ZNF317: variants seen among roughly 807,000 people sequenced by gnomAD.
ZNF317 encodes zinc finger protein 317.
In ZNF317, 17 loss-of-function variants were observed where a neutral mutation model predicts 23.4. The ratio of observed to expected loss-of-function variants is 0.73; its 90% CI spans 0.50 to 1.09. The LOEUF (loss-of-function observed/expected upper bound fraction) is 1.09, where lower values mean the gene tolerates loss of function less well. Ranked by LOEUF, ZNF317 falls within the 50% of genes least tolerant of loss-of-function variation. ZNF317 has a pLI of 0.00. For synonymous variants in ZNF317, 317 were observed against 314.9 expected (o/e 1.01, Z -0.07); for missense variants, 679 against 796.7 (o/e 0.85, Z 1.78).
chr19:9,151,391 G>A (rs1348878149), intron 1 of ZNF317, among the ~76,000 whole-genome samples: 2 of 152,160 alleles, frequency 1.3e-5, no homozygotes, highest in Non-Finnish European at 2.9e-5. Context: ...AATTCCAATA[G>A]CAGAAATACT....
chr19:9,152,841 A>G (rs577402538), intron 1 of ZNF317, among the ~76,000 whole-genome samples: 4 of 152,276 alleles, frequency 2.6e-5, no homozygotes, highest in African/African-American at 9.6e-5. Flanking sequence ...TCTGATGCCA[A>G]ATTGGGTGGG....
In ZNF317 at chr19:9,161,195, T is replaced by C; in HGVS notation, c.1550T>C (p.Leu517Pro). The change falls in exon 7 of 7, where the codon CTG becomes CCG. Residue 517 changes from leucine to proline, a missense_variant. Coordinates refer to ENST00000247956, the MANE Select transcript of ZNF317 (RefSeq NM_020933.5). The surrounding 1 kb of genome is among the most constrained non-coding windows in gnomAD (Gnocchi z 4.0). ...CGKAFRNQSTLKTHMRSHTGE... is the reference protein window; with the variant it reads ...CGKAFRNQSTPKTHMRSHTGE... The stretch of plus-strand genomic sequence containing the variant: ...AAGGCCTTCAGGAACCAGTCAACGC[T>C]GAAGACGCACATGCGAAGCCACACG... 1 of 1,614,176 alleles carries C rather than the reference T, an allele frequency of 6.2e-7. No homozygotes were observed. Among genetic ancestry groups the C allele is most frequent in the Non-Finnish European group, 8.5e-7 (1 of 1,180,038 alleles).
rs370035362 is a variant in ZNF317 at position 9,160,404 on chromosome 19, C to T, written c.759C>T (p.Ser253=). 327 of 1,614,066 alleles carry T rather than the reference C, an allele frequency of 2.0e-4. 4 individuals are homozygous for T. In the South Asian group the frequency reaches 2.2e-3, roughly 11 times the overall value. Residue 253 remains serine, a synonymous_variant, in exon 7 of 7, where the codon AGC becomes AGT. Coordinates refer to ENST00000247956, the MANE Select transcript of ZNF317 (RefSeq NM_020933.5). The surrounding 1 kb of genome is among the most constrained non-coding windows in gnomAD (Gnocchi z 6.8). ...IHTGEKPYEC[S]DCGKAFNDPS... ...CCGGGGAGAAGCCTTACGAGTGCAGCGACTGCGGGAAAGCCTTCAACGACC... is the reference window on the plus strand; with the variant it reads ...CCGGGGAGAAGCCTTACGAGTGCAGTGACTGCGGGAAAGCCTTCAACGACC...
In ZNF317 at chr19:9,152,321, C is replaced by A. The variant is rs553687102; in HGVS notation, c.-92-3604C>A. On this transcript the variant is annotated intron_variant, in intron 1 of 6. Transcript: ENST00000247956. ...TGGGTATGTTTCAAGGAATTTGATA[C>A]ATCTAGAGCATTGATCCCCAAGCCC... 1.6e-4 allele frequency among the ~76,000 whole-genome samples: 24 copies of A among 152,284 alleles called. No homozygotes were observed. In the South Asian group the frequency reaches 4.8e-3, roughly 30 times the overall value.
chr19:9,155,028 T>TTTTC (rs1190512559), intron 1 of ZNF317, among the ~76,000 whole-genome samples: 3 of 152,186 alleles, frequency 2.0e-5, no homozygotes, highest in African/African-American at 4.8e-5. Context: ...GTTGGGTTGA[T>TTTTC]TTTCTTTCTT....
chr19:9,157,427 C>T (rs773863767), intron 4 of ZNF317, 33 bp downstream of exon 4: 3 of 1,612,606 alleles, frequency 1.9e-6, no homozygotes, highest in Non-Finnish European at 2.5e-6. Flanking sequence ...ACTTATTCAT[C>T]CATGAATTAG....
intron 1 of ZNF317, among the ~76,000 whole-genome samples, chr19:9,144,623 T>A (rs989697971): frequency 6.6e-6 from 1 of 152,350 alleles, no homozygotes; most frequent in East Asian, 1.9e-4. Context: ...GGTTTTCTTA[T>A]GCATTTTCAT....
Position 9,160,238 on chromosome 19 carries a change from A to G in ZNF317, c.593A>G (p.Asp198Gly). Residue 198 changes from aspartate (D) to glycine (G), a missense_variant, in exon 7 of 7, where the codon GAC becomes GGC. By Grantham distance (94) the Asp-to-Gly change is moderately conservative. Coordinates refer to ENST00000247956, the MANE Select transcript of ZNF317 (RefSeq NM_020933.5). This position sits in a 1 kb window ranked among gnomAD's most constrained non-coding sequence, Gnocchi z 6.8. Reference protein sequence around the residue: ...HAGKRPYHRRDYGVAFKGRPH... With the variant: ...HAGKRPYHRRGYGVAFKGRPH... ...GGCAAGAGGCCCTATCACCGCCGCG[A>G]CTATGGGGTAGCGTTCAAGGGCAGG... 1.2e-6 allele frequency: 2 copies of G among 1,614,128 alleles called. No individual in the cohort carries two copies. The highest frequency in any genetic ancestry group is 1.7e-6 in the Non-Finnish European group (2 of 1,180,020).
chr19:9,157,703 ATT>A, intron 4 of ZNF317: 1 of 321,708 alleles, frequency 3.1e-6, no homozygotes, highest in African/African-American at 4.4e-5. Flanking sequence ...TTTTTTTTTT[ATT>A]TTTGGTGATG....
In ZNF317 at chr19:9,161,503, C is replaced by T; in HGVS notation, c.*70C>T. On this transcript the variant is annotated 3_prime_UTR_variant, in exon 7 of 7. Coordinates refer to ENST00000247956, the MANE Select transcript of ZNF317 (RefSeq NM_020933.5). This position sits in a 1 kb window ranked among gnomAD's most constrained non-coding sequence, Gnocchi z 4.0. ...ACCTCGTGGGTGTAAGAGGAAGCCT[C>T]TGTGAGCTCGCACCTTACTGGGTGC... 1 of 1,534,290 alleles carries T rather than the reference C, an allele frequency of 6.5e-7. No individual in the cohort carries two copies. The highest frequency in any genetic ancestry group is 8.8e-7 in the Non-Finnish European group (1 of 1,139,980).
chr19:9,157,649 T>C (rs1600229421), intron 4 of ZNF317: 2 of 592,766 alleles, frequency 3.4e-6, no homozygotes, highest in East Asian at 7.3e-5. Context: ...GGAGGGTCAG[T>C]GTGTGGGTAC....
At position 9,155,906 on chromosome 19, in the gene ZNF317, G is replaced by A; in HGVS notation, c.-92-19G>A. 1 of 1,368,490 alleles carries A rather than the reference G, an allele frequency of 7.3e-7. No individual in the cohort carries two copies. The highest frequency in any genetic ancestry group is 1.0e-6 in the Non-Finnish European group (1 of 958,518). The allele number at this position is 1,368,490 out of a possible 1,614,324, so 84.8% of individuals were successfully genotyped here. ...CAGATAGCCTTTCACTACTCCCGAT[G>A]TTCTTTCATTTGCTACAGATGCCAG... is the stretch of plus-strand genomic sequence containing the variant. On this transcript the variant is annotated intron_variant, in intron 1 of 6. Transcript: ENST00000247956.
intron 2 of ZNF317, 90 bp downstream of exon 2, chr19:9,156,131 G>A (rs2050779910): frequency 1.3e-6 from 2 of 1,524,732 alleles, no homozygotes; most frequent in Non-Finnish European, 1.8e-6. Context: ...CACCATAGAG[G>A]GCTGCTGGGA....
intron 1 of ZNF317, among the ~76,000 whole-genome samples, chr19:9,144,413 C>T (rs1233394831): frequency 6.6e-6 from 1 of 152,082 alleles, no homozygotes; most frequent in African/African-American, 2.4e-5. Flanking sequence ...TTAGCATCTT[C>T]TGTATTAATA....
chr19:9,141,399 C>G (rs890104615), intron 1 of ZNF317, among the ~76,000 whole-genome samples: 2 of 152,214 alleles, frequency 1.3e-5, no homozygotes, highest in Non-Finnish European at 2.9e-5. Flanking sequence ...GCATCCTCCT[C>G]TCCCACCAAT....
Position 9,162,847 on chromosome 19 carries a change from C to T in ZNF317, c.*1414C>T, listed in dbSNP as rs529074464. 6 of 152,148 alleles carry T rather than the reference C, an allele frequency of 3.9e-5. No homozygotes were observed. Among genetic ancestry groups the T allele is most frequent in the Non-Finnish European group, 8.8e-5 (6 of 68,046 alleles). The allele number at this position is 152,148 out of a possible 1,614,324, so 9.4% of individuals were successfully genotyped here. On this transcript the variant is annotated 3_prime_UTR_variant, in exon 7 of 7. Coordinates refer to ENST00000247956, the MANE Select transcript of ZNF317 (RefSeq NM_020933.5). ...GATATTTCTCAGTACCACTTTGTTA[C>T]TGGTACCTGATGCACACGGATTGCG... is the stretch of plus-strand genomic sequence containing the variant.
At chr19:9,153,210 A>G (rs774020143) in intron 1 of ZNF317, among the ~76,000 whole-genome samples, 1 of 152,008 alleles carries the variant, frequency 6.6e-6, no homozygotes. Context: ...CACCCAGGCT[A>G]GAGTGTGATG....
In ZNF317 at chr19:9,160,740, G is replaced by A. The variant is rs778403433; in HGVS notation, c.1095G>A (p.Thr365=). The A allele has an allele frequency of 9.9e-6, 16 of 1,611,768 alleles. No individual in the cohort carries two copies. The highest frequency in any genetic ancestry group is 1.6e-4 in the Middle Eastern group (1 of 6,074). ...CGGGGGAGAAGCCCTACGCGTGCACGCAGTGCGGCAAAGCCTTCCGCTGGA... is the reference window on the plus strand; with the variant it reads ...CGGGGGAGAAGCCCTACGCGTGCACACAGTGCGGCAAAGCCTTCCGCTGGA... ...NHTGEKPYAC[T]QCGKAFRWKS... is the part of the protein sequence containing the mutation. The change falls in exon 7 of 7, where the codon ACG becomes ACA. Residue 365 remains threonine (T), a synonymous_variant. Transcript: ENST00000247956. This position sits in a 1 kb window ranked among gnomAD's most constrained non-coding sequence, Gnocchi z 6.8.
At chr19:9,158,440 G>A (rs141813612) in intron 5 of ZNF317, among the ~76,000 whole-genome samples, 108 of 130,114 alleles carry the variant, frequency 8.3e-4, no homozygotes, top group Non-Finnish European at 6.8e-4. Context: ...GCATGATCTC[G>A]GCTCACTGCA....
Sources: gnomAD v4.1 joint callset for allele counts (sites outside exome capture counted in the v4.1 genomes callset) on GRCh38, gnomAD v4.1.1 for gene constraint, Gnocchi (gnomAD v3.1) non-coding constraint, MANE v1.5 for transcripts, NCBI Gene and HGNC (gene_info 2026-07-23, HGNC 2026-07-21) for gene names.